The following AMPH variants were observed in gnomAD, a reference collection of about 807,000 sequenced individuals.
AMPH encodes amphiphysin.
A neutral mutation model predicts 99.1 loss-of-function variants in AMPH; 49 were observed. The observed-to-expected ratio is 0.49, with a 90% CI of 0.39 to 0.63. The LOEUF is 0.63. Ranked by LOEUF, AMPH falls within the 20% of genes least tolerant of loss-of-function variation. AMPH has a pLI of 0.00. For synonymous variants in AMPH, 314 were observed against 317.3 expected, an observed-to-expected ratio of 0.99 and a Z score of 0.11; for missense variants, 759 against 863.4, an observed-to-expected ratio of 0.88 and a Z score of 1.52.
intron 16 of AMPH, 117 bp downstream of exon 16, chr7:38,422,304 C>T (rs969571366): frequency 8.6e-6 from 7 of 810,660 alleles, no homozygotes; most frequent in Non-Finnish European, 1.4e-5. Context: ...TAGAAAAGTA[C>T]AGGATCCAGA....
intron 2 of AMPH, among the ~76,000 whole-genome samples, chr7:38,512,555 T>C (rs1192890814): frequency 6.6e-6 from 1 of 152,168 alleles, no homozygotes; most frequent in Non-Finnish European, 1.5e-5. Flanking sequence ...CTAGTTGGCA[T>C]GGTTAATTAA....
chr7:38,580,311 T>C (rs1401781730), intron 1 of AMPH, among the ~76,000 whole-genome samples: 2 of 152,178 alleles, frequency 1.3e-5, no homozygotes, highest in Non-Finnish European at 2.9e-5. Context: ...CCATTAAGCA[T>C]GTAAAACCCT....
In AMPH at chr7:38,463,050, C is replaced by T. The variant is rs1340770895; in HGVS notation, c.813G>A (p.Pro271=). The T allele has an allele frequency of 6.2e-7, 1 of 1,611,588 alleles. No individual in the cohort carries two copies. The change falls in exon 10 of 21, where the codon CCG becomes CCA. Residue 271 remains proline (P), a synonymous_variant. Coordinates refer to ENST00000356264, the MANE Select transcript of AMPH (RefSeq NM_001635.4). ...PSPPEEPSPL[P]SPTASPNHTL... ...TATGATTTGGACTTGCTGTCGGGCT[C>T]GGGAGGGGTGAAGGCTCCTCAGGCG...
At chr7:38,405,361 T>C (rs979241815) in intron 17 of AMPH, among the ~76,000 whole-genome samples, 5 of 152,142 alleles carry the variant, frequency 3.3e-5, no homozygotes, top group African/African-American at 1.2e-4. Flanking sequence ...CATGTCAATA[T>C]TAAACTTGAG....
intron 1 of AMPH, among the ~76,000 whole-genome samples, chr7:38,570,120 C>G (rs1450126813): frequency 6.6e-6 from 1 of 152,134 alleles, no homozygotes; most frequent in Non-Finnish European, 1.5e-5. Context: ...GACTCCAAGT[C>G]TGTTGGCAAG....
At chr7:38,537,983 G>A (rs1170846514) in intron 1 of AMPH, among the ~76,000 whole-genome samples, 1 of 152,216 alleles carries the variant, frequency 6.6e-6, no homozygotes, top group Admixed American at 6.5e-5. Context: ...GACCATCAGA[G>A]TAAAGAAGGA....
chr7:38,621,289 TA>T (rs1290480506), intron 1 of AMPH, among the ~76,000 whole-genome samples: 3 of 152,208 alleles, frequency 2.0e-5, no homozygotes, highest in African/African-American at 7.2e-5. Flanking sequence ...TATTTTTAAC[TA>T]ATAACTATGT....
At chr7:38,610,602 A>C (rs539675086) in intron 1 of AMPH, among the ~76,000 whole-genome samples, 3 of 151,946 alleles carry the variant, frequency 2.0e-5, no homozygotes, top group Admixed American at 6.6e-5. Flanking sequence ...TACTTGCACT[A>C]TCTACTAATC....
intron 15 of AMPH, among the ~76,000 whole-genome samples, chr7:38,424,845 A>T (rs1302379361): frequency 1.3e-5 from 2 of 152,146 alleles, no homozygotes; most frequent in Non-Finnish European, 2.9e-5. Flanking sequence ...AAGATGAAAG[A>T]GGTAGGAGGA....
rs1366116528 is a variant in AMPH at position 38,571,125 on chromosome 7, G to T, written c.70-36114C>A. ...ATATATTCATATATACAGTATATAT[G>T]AATATATATATTTTTATATATTTAT... On this transcript the variant is annotated intron_variant, in intron 1 of 20. Coordinates refer to ENST00000356264, the MANE Select transcript of AMPH (RefSeq NM_001635.4). Among the ~76,000 whole-genome samples, 75 of 64,502 alleles carry T rather than the reference G, an allele frequency of 1.2e-3. 5 individuals carry two copies. The highest frequency in any genetic ancestry group is 4.8e-3 in the African/African-American group (72 of 15,082). The allele number at this position is 64,502 out of a possible 152,430, so 42.3% of individuals were successfully genotyped here.
intron 1 of AMPH, among the ~76,000 whole-genome samples, chr7:38,624,029 T>C (rs1282417226): frequency 6.6e-6 from 1 of 152,216 alleles, no homozygotes; most frequent in Non-Finnish European, 1.5e-5. Flanking sequence ...TGTACTATTT[T>C]CACAAAATGA....
At chr7:38,402,807 A>G (rs1784878344) in intron 17 of AMPH, among the ~76,000 whole-genome samples, 1 of 152,190 alleles carries the variant, frequency 6.6e-6, no homozygotes, top group Admixed American at 6.5e-5. Context: ...TGTTTTATGG[A>G]AAATTATCTT....
chr7:38,448,850 C>T (rs1409518247), intron 11 of AMPH, among the ~76,000 whole-genome samples: 1 of 152,164 alleles, frequency 6.6e-6, no homozygotes, highest in East Asian at 1.9e-4. Context: ...ATAAACTAGA[C>T]CTTCTAGGAA....
At chr7:38,494,941 A>G (rs1303415204) in intron 3 of AMPH, among the ~76,000 whole-genome samples, 1 of 152,224 alleles carries the variant, frequency 6.6e-6, no homozygotes, top group Non-Finnish European at 1.5e-5. Context: ...AAGCATTTTT[A>G]GAAGGGACTA....
intron 11 of AMPH, among the ~76,000 whole-genome samples, chr7:38,448,524 T>C (rs1786877751): frequency 6.6e-6 from 1 of 152,210 alleles, no homozygotes; most frequent in Non-Finnish European, 1.5e-5. Flanking sequence ...AACAGTAAAA[T>C]AGAACAATGA....
chr7:38,516,468 A>G (rs1317789762), intron 2 of AMPH, among the ~76,000 whole-genome samples: 1 of 152,224 alleles, frequency 6.6e-6, no homozygotes, highest in Non-Finnish European at 1.5e-5. Flanking sequence ...GTAGGTATGC[A>G]GAGGGCAAGA....
intron 1 of AMPH, among the ~76,000 whole-genome samples, chr7:38,617,608 G>T (rs1793922363): frequency 6.6e-6 from 1 of 152,192 alleles, no homozygotes; most frequent in African/African-American, 2.4e-5. Flanking sequence ...GTGCCCAGGT[G>T]CCAGCAGCTC....
At chr7:38,630,871 C>T (rs1794431061) in intron 1 of AMPH, among the ~76,000 whole-genome samples, 1 of 152,184 alleles carries the variant, frequency 6.6e-6, no homozygotes. Context: ...TCCCCGCGAG[C>T]TGCCTGCGGG....
At chr7:38,428,112 T>C in intron 14 of AMPH, 2 of 456,798 alleles carry the variant, frequency 4.4e-6, no homozygotes, top group Non-Finnish European at 8.8e-6. Context: ...TGTCCAGCTA[T>C]TATCTAAGCC....
Sources: allele counts gnomAD v4.1 joint callset (sites outside exome capture counted in the v4.1 genomes callset), GRCh38; gene constraint gnomAD v4.1.1; transcripts MANE v1.5; gene names NCBI Gene and HGNC (gene_info 2026-07-23, HGNC 2026-07-21).